Variants in AQR observed in about 807,000 individuals in gnomAD.
AQR encodes the protein aquarius intron-binding spliceosomal factor, also known as RNA helicase aquarius.
In AQR, 61 loss-of-function variants were observed where a neutral mutation model predicts 180.5. The observed-to-expected ratio is 0.34, with a 90% CI of 0.28 to 0.42. The LOEUF (loss-of-function observed/expected upper bound fraction) is 0.42, where lower values mean the gene tolerates loss of function less well. Among genes scored for constraint, AQR ranks in the 10% least tolerant of loss-of-function variants. The pLI, the probability that AQR is intolerant of heterozygous loss-of-function variation, is 1.00. For synonymous variants in AQR, 551 were observed against 588.8 expected (o/e 0.94, Z 0.93); for missense variants, 1,281 against 1,798.3 (o/e 0.71, Z 5.20).
At chr15:34,889,233 G>C (rs1422433005) in intron 24 of AQR, among the ~76,000 whole-genome samples, 1 of 152,178 alleles carries the variant, frequency 6.6e-6, no homozygotes, top group African/African-American at 2.4e-5. Flanking sequence ...AGAATATAGA[G>C]CCCTAAATAA....
intron 24 of AQR, among the ~76,000 whole-genome samples, chr15:34,889,784 C>T (rs966869760): frequency 1.3e-5 from 2 of 152,106 alleles, no homozygotes; most frequent in African/African-American, 2.4e-5. Context: ...GATTCTCCTG[C>T]GTCAGCCTCC....
intron 1 of AQR, among the ~76,000 whole-genome samples, chr15:34,968,425 TTTC>T (rs2050324214): frequency 2.0e-5 from 3 of 151,902 alleles, no homozygotes; most frequent in Non-Finnish European, 4.4e-5. Context: ...GCTAATTTTT[TTTC>T]TTTTTATTTT....
At chr15:34,904,266 C>T in intron 19 of AQR, 70 bp downstream of exon 19, 1 of 1,138,092 alleles carries the variant, frequency 8.8e-7, no homozygotes, top group Non-Finnish European at 1.2e-6. Flanking sequence ...AACCAAATAT[C>T]TCTGTATTTA....
In AQR at chr15:34,915,818, C is replaced by T. The variant is rs1040975236; in HGVS notation, c.1343-639G>A. ...AATATTAGCTGGGTGTCATGGCGGG[C>T]GCCTGTAATCCCAGCTACTCAGGAG... On this transcript the variant is annotated intron_variant, in intron 15 of 34. Transcript: ENST00000156471. Among the ~76,000 whole-genome samples, 9 of 151,694 alleles carry T rather than the reference C, an allele frequency of 5.9e-5. No homozygotes were observed. In the East Asian group the frequency reaches 9.9e-4, roughly 17 times the overall value.
chr15:34,927,389 T>TATACAAGG (rs1165661802), intron 12 of AQR, among the ~76,000 whole-genome samples: 15 of 152,254 alleles, frequency 9.9e-5, no homozygotes, highest in Non-Finnish European at 1.2e-4. Flanking sequence ...GGATTTTCAA[T>TATACAAGG]ATATACAAAA....
At chr15:34,876,544 C>T (rs77330503) in intron 27 of AQR, among the ~76,000 whole-genome samples, 2,421 of 152,190 alleles carry the variant, frequency 0.016, 34 homozygotes, top group Admixed American at 0.024. Context: ...TTTCTACCAG[C>T]ACTACCACTC....
Position 34,886,531 on chromosome 15 carries a change from A to G in AQR, c.2812T>C (p.Tyr938His). ...TCETAGYFFL[Y>H]QVMSRWEEYI... ...AAAAACCCTTAATATCTTACCTGGT[A>G]TAAGAAGAAATAGCCTGCAGTTTCA... Residue 938 changes from tyrosine to histidine, a missense_variant, in exon 25 of 35, where the codon TAC becomes CAC. Around this residue, in one of 9 missense-constraint regions of AQR, gnomAD observed 125 missense variants for 185.0 expected, o/e 0.68. Transcript: ENST00000156471. 6.2e-7 allele frequency: 1 copy of G among 1,604,036 alleles called. No homozygotes were observed. The highest frequency in any genetic ancestry group is 8.5e-7 in the Non-Finnish European group (1 of 1,177,634).
chr15:34,887,306 T>C (rs537507351), intron 24 of AQR, among the ~76,000 whole-genome samples: 1 of 152,302 alleles, frequency 6.6e-6, no homozygotes, highest in South Asian at 2.1e-4. Flanking sequence ...GGACAGTGCA[T>C]TCTGGTGCTA....
At chr15:34,925,741 G>A (rs767273453) in intron 13 of AQR, among the ~76,000 whole-genome samples, 3 of 151,940 alleles carry the variant, frequency 2.0e-5, no homozygotes, top group African/African-American at 4.8e-5. Context: ...GCTGACGCAG[G>A]AGAATCACTT....
Position 34,969,662 on chromosome 15 carries a change from G to C in AQR, c.-49C>G. ...AGTGGAAACTAAAGGACCGCTCTGG[G>C]CAGCGGCAACCCTGGTCCACTTCCC... On this transcript the variant is annotated 5_prime_UTR_variant, in exon 1 of 35. Coordinates refer to ENST00000156471, the MANE Select transcript of AQR (RefSeq NM_014691.3). The C allele has an allele frequency of 1.3e-6, 2 of 1,587,860 alleles. No homozygotes were observed. The highest frequency in any genetic ancestry group is 1.7e-6 in the Non-Finnish European group (2 of 1,167,836).
chr15:34,947,302 C>T (rs1024088146), intron 5 of AQR, among the ~76,000 whole-genome samples: 2 of 151,280 alleles, frequency 1.3e-5, no homozygotes, highest in African/African-American at 4.9e-5. Flanking sequence ...TAAACAGATG[C>T]TTGAAGGCAG....
At position 34,930,375 on chromosome 15, in the gene AQR, A is replaced by T; in HGVS notation, c.901-4T>A. 6.7e-7 allele frequency: 1 copy of T among 1,490,336 alleles called. No homozygotes were observed. The highest frequency in any genetic ancestry group is 1.1e-5 in the South Asian group (1 of 88,502). The allele number at this position is 1,490,336 out of a possible 1,614,324, so 92.3% of individuals were successfully genotyped here. ...AGAATTTAAGCATGTCCAAAAGCTG[A>T]AGAAACACATTTACATGTATAAATC... On this transcript the variant is annotated splice_region_variant and splice_polypyrimidine_tract_variant and intron_variant, in intron 11 of 34. Coordinates refer to ENST00000156471, the MANE Select transcript of AQR (RefSeq NM_014691.3).
In AQR at chr15:34,855,529, CCTTT is replaced by C; in HGVS notation, c.*1259_*1262del. The C allele has an allele frequency of 9.8e-6, 1 of 101,712 alleles. No individual in the cohort carries two copies. The highest frequency in any genetic ancestry group is 3.2e-5 in the African/African-American group (1 of 31,438). The allele number at this position is 101,712 out of a possible 1,614,324, so 6.3% of individuals were successfully genotyped here. A position where few individuals can be genotyped will look rare whatever the true frequency, so the allele number is the denominator to read the frequency against. ...CCTCTACACATACATATAAACATTT[CCTTT>C]TTTTTTTTTTTTTTTCCAGTTCTGG... On this transcript the variant is annotated 3_prime_UTR_variant, in exon 35 of 35. Transcript: ENST00000156471.
At position 34,864,453 on chromosome 15, in the gene AQR, GC is replaced by G. The variant is rs1310598229; in HGVS notation, c.3855-1413del. On this transcript the variant is annotated intron_variant, in intron 32 of 34. Coordinates refer to ENST00000156471, the MANE Select transcript of AQR (RefSeq NM_014691.3). ...AATATTATTTTCTAAGTTACTGTCA[GC>G]CAAATTATTATTTTCGCCACATTTC... is the stretch of plus-strand genomic sequence containing the variant. Among the ~76,000 whole-genome samples the G allele has an allele frequency of 3.3e-5, 5 of 152,278 alleles. No individual in the cohort carries two copies. In the East Asian group the frequency reaches 9.6e-4, roughly 29 times the overall value.
At position 34,950,084 on chromosome 15, in the gene AQR, C is replaced by CTTTTTTTT. The variant is rs1174370425; in HGVS notation, c.210-1708_210-1701dup. Reference sequence around the variant, plus strand: ...ATTTTTACTTCTCTTTGCTATTTTCCTTTTTTTTTTTTTTTTTTTTTTTTG... The same window carrying CTTTTTTTT: ...ATTTTTACTTCTCTTTGCTATTTTCCTTTTTTTTTTTTTTTTTTTTTTTTTTTTTTTTG... On this transcript the variant is annotated intron_variant, in intron 4 of 34. Coordinates refer to ENST00000156471, the MANE Select transcript of AQR (RefSeq NM_014691.3). Among the ~76,000 whole-genome samples, 72 of 74,088 alleles carry CTTTTTTTT rather than the reference C, an allele frequency of 9.7e-4. 1 individual carries two copies. Among genetic ancestry groups the CTTTTTTTT allele is most frequent in the South Asian group, 2.7e-3 (4 of 1,504 alleles). 48.6% of individuals were successfully genotyped at this position (74,088 alleles called of 152,430 possible).
intron 23 of AQR, among the ~76,000 whole-genome samples, chr15:34,891,656 A>G (rs1376502826): frequency 2.0e-5 from 3 of 152,194 alleles, no homozygotes; most frequent in African/African-American, 2.4e-5. Context: ...CAAAACAGTA[A>G]AAAATATGTT....
chr15:34,859,550 A>G (rs1892639395), intron 34 of AQR, among the ~76,000 whole-genome samples: 1 of 152,216 alleles, frequency 6.6e-6, no homozygotes. Flanking sequence ...TTAGGTATCT[A>G]CCCAAGATAA....
chr15:34,872,802 C>G lies in AQR; in HGVS notation c.3597+1026G>C, dbSNP rs201549637. Among the ~76,000 whole-genome samples the G allele has an allele frequency of 7.9e-5, 12 of 151,968 alleles. No homozygotes were observed. The East Asian group carries it at 2.3e-3, about 29-fold the overall frequency. On this transcript the variant is annotated intron_variant, in intron 30 of 34. Coordinates refer to ENST00000156471, the MANE Select transcript of AQR (RefSeq NM_014691.3). ...CTTTTTCATGAATAACTCAAGATCTCTAATTTGTATAACAACCTATATTGG... is the reference window on the plus strand; with the variant it reads ...CTTTTTCATGAATAACTCAAGATCTGTAATTTGTATAACAACCTATATTGG...
chr15:34,968,090 G>A (rs576348852), intron 1 of AQR, among the ~76,000 whole-genome samples: 116 of 152,220 alleles, frequency 7.6e-4, no homozygotes, highest in African/African-American at 2.5e-3. Flanking sequence ...TGGGATTACA[G>A]GCATGAGCCA....
Sources: allele counts gnomAD v4.1 joint callset (sites outside exome capture counted in the v4.1 genomes callset), GRCh38; gene constraint gnomAD v4.1.1; regional missense constraint gnomAD v4.1.1; transcripts MANE v1.5; gene names NCBI Gene and HGNC (gene_info 2026-07-23, HGNC 2026-07-21).